The following ARHGAP40 variants were observed in gnomAD, a reference collection of about 807,000 sequenced individuals.
The protein encoded by ARHGAP40 is rho GTPase-activating protein 40.
Under a neutral mutation model 73.5 loss-of-function variants are expected in ARHGAP40, and 43 were observed. That is an observed-to-expected ratio of 0.58 (90% CI 0.46 to 0.75). The LOEUF is 0.75. Among genes scored for constraint, ARHGAP40 ranks in the 30% least tolerant of loss-of-function variants. The pLI, the probability that ARHGAP40 is intolerant of heterozygous loss-of-function variation, is 0.00. For missense variants in ARHGAP40, 734 were observed against 861.8 expected, an observed-to-expected ratio of 0.85 and a Z score of 1.86; for synonymous variants, 300 against 352.8, an observed-to-expected ratio of 0.85 and a Z score of 1.68.
At chr20:38,637,144 C>T (rs997575156) in intron 6 of ARHGAP40, among the ~76,000 whole-genome samples, 19 of 145,336 alleles carry the variant, frequency 1.3e-4, no homozygotes, top group Admixed American at 1.4e-4. Context: ...CCTTTCAATA[C>T]TTTTTTTTTT....
chr20:38,624,432 G>A (rs1481885070), intron 2 of ARHGAP40, among the ~76,000 whole-genome samples: 1 of 152,114 alleles, frequency 6.6e-6, no homozygotes, highest in Non-Finnish European at 1.5e-5. Context: ...CAAGGGGAGG[G>A]GAATTAGACT....
intron 6 of ARHGAP40, among the ~76,000 whole-genome samples, chr20:38,636,074 A>G (rs2088972909): frequency 6.6e-6 from 1 of 152,114 alleles, no homozygotes; most frequent in African/African-American, 2.4e-5. Context: ...GTAGGTTACC[A>G]TGCCATTGGT....
At chr20:38,641,937 C>A in intron 10 of ARHGAP40, 129 bp downstream of exon 10, 1 of 636,132 alleles carries the variant, frequency 1.6e-6, no homozygotes, top group South Asian at 2.1e-5. Flanking sequence ...CAGTGATGAC[C>A]CACACAAACC....
chr20:38,646,149 C>A lies in ARHGAP40; in HGVS notation c.1672C>A (p.His558Asn). The A allele has an allele frequency of 7.7e-7, 1 of 1,303,958 alleles. No homozygotes were observed. Among genetic ancestry groups the A allele is most frequent in the Non-Finnish European group, 1.0e-6 (1 of 988,702 alleles). The allele number at this position is 1,303,958 out of a possible 1,614,324, so 80.8% of individuals were successfully genotyped here. A position where few individuals can be genotyped will look rare whatever the true frequency, so the allele number is the denominator to read the frequency against. The change falls in exon 12 of 15, where the codon CAC becomes AAC. Residue 558 changes from histidine (H) to asparagine (N), a missense_variant. Physicochemically the swap from His to Asn is moderately conservative, Grantham distance 68. Coordinates refer to ENST00000373345, the Ensembl canonical transcript of ARHGAP40. This position sits in a 1 kb window ranked among gnomAD's most constrained non-coding sequence, Gnocchi z 4.5. ...CCTCAAGACTTGGCTGCGGAGGATG[C>A]ACGCAGACAGGGACAAGGCGGGGGA...
intron 9 of ARHGAP40, 103 bp from the exon 10 acceptor site, chr20:38,641,623 G>C (rs942433336): frequency 5.1e-6 from 4 of 784,566 alleles, no homozygotes; most frequent in Non-Finnish European, 7.2e-6. Context: ...ATTCCTGGCT[G>C]TCCCCTGGCT....
Position 38,646,862 on chromosome 20 carries a change from C to T in ARHGAP40, c.1711-95C>T, listed in dbSNP as rs2089056752. 1.7e-6 allele frequency: 2 copies of T among 1,144,794 alleles called. No homozygotes were observed. Among genetic ancestry groups the T allele is most frequent in the South Asian group, 1.5e-5 (1 of 67,132 alleles). 70.9% of individuals were successfully genotyped at this position (1,144,794 alleles called of 1,614,324 possible). ...TTGTGATTTTCAGCGTGGGCATTTGCGTAAGTGCCATGTATGCGTGTTTAT... is the reference window on the plus strand; with the variant it reads ...TTGTGATTTTCAGCGTGGGCATTTGTGTAAGTGCCATGTATGCGTGTTTAT... On this transcript the variant is annotated intron_variant, in intron 12 of 14. Coordinates refer to ENST00000373345, the Ensembl canonical transcript of ARHGAP40. The surrounding 1 kb of genome is among the most constrained non-coding windows in gnomAD (Gnocchi z 4.5).
At chr20:38,642,766 G>A (rs967219647) in intron 10 of ARHGAP40, among the ~76,000 whole-genome samples, 1 of 150,984 alleles carries the variant, frequency 6.6e-6, no homozygotes, top group South Asian at 2.1e-4. Context: ...TCTTCACTCC[G>A]TCCCTTTGTC....
At chr20:38,637,103 C>T (rs947335062) in intron 6 of ARHGAP40, among the ~76,000 whole-genome samples, 23 of 152,076 alleles carry the variant, frequency 1.5e-4, no homozygotes, top group Admixed American at 1.5e-3. Context: ...CATTTTTATA[C>T]CTGGTGCCTT....
intron 9 of ARHGAP40, 33 bp downstream of exon 9, chr20:38,639,419 G>C: frequency 2.3e-6 from 3 of 1,289,736 alleles, no homozygotes; most frequent in Non-Finnish European, 3.1e-6. Flanking sequence ...CCTGTGCAGG[G>C]ATGGAGAGTT....
At chr20:38,608,853 G>A (rs1411617058) in intron 1 of ARHGAP40, among the ~76,000 whole-genome samples, 2 of 152,108 alleles carry the variant, frequency 1.3e-5, no homozygotes, top group Admixed American at 1.3e-4. Flanking sequence ...AGGCTCTCGG[G>A]GACAATCAAT....
In ARHGAP40 at chr20:38,637,703, T is replaced by G. The variant is rs745962375; in HGVS notation, c.950-5T>G. On this transcript the variant is annotated splice_polypyrimidine_tract_variant and splice_region_variant and intron_variant, in intron 6 of 14. Coordinates refer to ENST00000373345, the Ensembl canonical transcript of ARHGAP40. ...AATGTGCCTCTGCTCTTTGACTTTCTGCAGAAACTCGCCTCTTTGGTGTGC... is the reference window on the plus strand; with the variant it reads ...AATGTGCCTCTGCTCTTTGACTTTCGGCAGAAACTCGCCTCTTTGGTGTGC... The G allele has an allele frequency of 8.4e-6, 11 of 1,305,188 alleles. No individual in the cohort carries two copies. Among genetic ancestry groups the G allele is most frequent in the Admixed American group, 2.3e-5 (1 of 43,540 alleles). 80.9% of individuals were successfully genotyped at this position (1,305,188 alleles called of 1,614,324 possible). A position where few individuals can be genotyped will look rare whatever the true frequency, so the allele number is the denominator to read the frequency against.
At chr20:38,607,056 A>C (rs1227270700) in intron 1 of ARHGAP40, among the ~76,000 whole-genome samples, 1 of 152,194 alleles carries the variant, frequency 6.6e-6, no homozygotes, top group African/African-American at 2.4e-5. Context: ...ACATTAATGC[A>C]TGTGAGGGCT....
intron 14 of ARHGAP40, 39 bp downstream of exon 14, chr20:38,648,737 C>T (rs1315079627): frequency 1.5e-6 from 2 of 1,299,942 alleles, no homozygotes; most frequent in African/African-American, 1.5e-5. Flanking sequence ...GAGCCCGGGT[C>T]CCTGGGAGTT....
At chr20:38,627,347 T>C in intron 3 of ARHGAP40, 132 bp downstream of exon 3, 1 of 838,892 alleles carries the variant, frequency 1.2e-6, no homozygotes, top group Non-Finnish European at 1.7e-6. Flanking sequence ...TGTGTGGGTG[T>C]TGGTATGTGT....
At chr20:38,650,279 A>C (rs2089081672) in exon 15 of ARHGAP40, 2 of 462,334 alleles carry the variant, frequency 4.3e-6, no homozygotes, top group Admixed American at 4.8e-5. Context: ...TGGCTTCCAG[A>C]CTGGAGGAAA....
chr20:38,601,813 C>G, exon 1 of ARHGAP40: 4 of 1,135,874 alleles, frequency 3.5e-6, no homozygotes, highest in Non-Finnish European at 3.5e-6. Flanking sequence ...AACATTAGTC[C>G]TGCATGAGGG....
At chr20:38,649,875 G>A (rs1371603971) in exon 15 of ARHGAP40, 1 of 1,287,896 alleles carries the variant, frequency 7.8e-7, no homozygotes, top group Admixed American at 2.3e-5. Context: ...GAGCAGCCTG[G>A]ATGCCTCCTC....
At chr20:38,607,012 A>T (rs1025393751) in intron 1 of ARHGAP40, among the ~76,000 whole-genome samples, 9 of 152,190 alleles carry the variant, frequency 5.9e-5, no homozygotes, top group African/African-American at 1.9e-4. Flanking sequence ...GAACAGCGGT[A>T]CCTGCTTCAT....
chr20:38,641,489 A>G (rs1214187292), intron 9 of ARHGAP40, among the ~76,000 whole-genome samples: 1 of 152,190 alleles, frequency 6.6e-6, no homozygotes, highest in Non-Finnish European at 1.5e-5. Context: ...TTGCCTGCAC[A>G]TGCATGCGTG....
Sources: allele counts gnomAD v4.1 joint callset (sites outside exome capture counted in the v4.1 genomes callset), GRCh38; gene constraint gnomAD v4.1.1; non-coding constraint Gnocchi (gnomAD v3.1); transcripts MANE v1.5; gene names NCBI Gene and HGNC (gene_info 2026-07-23, HGNC 2026-07-21).